The following DNAH12 variants were observed in gnomAD, a reference collection of about 807,000 sequenced individuals.
DNAH12 encodes the protein axonemal beta dynein heavy chain 12.
DNAH12 carries 285 observed loss-of-function variants against 371.5 expected under a neutral mutation model. The observed-to-expected ratio is 0.77, with a 90% CI of 0.70 to 0.85. The LOEUF (loss-of-function observed/expected upper bound fraction) is 0.85. Ranked by LOEUF, DNAH12 falls within the 40% of genes least tolerant of loss-of-function variation. The probability of loss-of-function intolerance (pLI) is 0.00; values close to 1 mark genes in which losing one functional copy is unlikely to be tolerated. For synonymous variants in DNAH12, 1,200 were observed against 1,213.0 expected (o/e 0.99, Z 0.22); for missense variants, 3,611 against 3,689.4 (o/e 0.98, Z 0.55).
intron 70 of DNAH12, 92 bp from the exon 71 acceptor site, chr3:57,297,076 G>T: frequency 7.0e-7 from 1 of 1,438,550 alleles, no homozygotes; most frequent in Non-Finnish European, 9.4e-7. Context: ...TTTTGCTTAT[G>T]TTGCCCACAT....
At chr3:57,345,921 A>T (rs1178069677) in intron 60 of DNAH12, among the ~76,000 whole-genome samples, 1 of 152,150 alleles carries the variant, frequency 6.6e-6, no homozygotes, top group East Asian at 1.9e-4. Flanking sequence ...AAGTGTCACA[A>T]ATCTTCAGAA....
At chr3:57,540,382 G>A (rs984819778) in intron 2 of DNAH12, among the ~76,000 whole-genome samples, 2 of 152,114 alleles carry the variant, frequency 1.3e-5, no homozygotes, top group African/African-American at 4.8e-5. Flanking sequence ...ACAGGTATCT[G>A]TGTAACAGCA....
At chr3:57,495,070 A>G (rs2067262406) in intron 11 of DNAH12, among the ~76,000 whole-genome samples, 3 of 152,198 alleles carry the variant, frequency 2.0e-5, no homozygotes, top group Non-Finnish European at 2.9e-5. Context: ...GGGTCAATCC[A>G]TCAGAAAGAT....
intron 25 of DNAH12, among the ~76,000 whole-genome samples, chr3:57,449,221 C>T (rs1433766828): frequency 1.3e-5 from 2 of 152,186 alleles, no homozygotes; most frequent in African/African-American, 4.8e-5. Context: ...TATTTACAAT[C>T]CCTGAGCTAG....
intron 58 of DNAH12, among the ~76,000 whole-genome samples, chr3:57,357,668 A>C (rs1448314823): frequency 6.6e-6 from 1 of 152,178 alleles, no homozygotes; most frequent in Non-Finnish European, 1.5e-5. Flanking sequence ...GAGACATACC[A>C]AATAAGAAAG....
At position 57,361,462 on chromosome 3, in the gene DNAH12, ATATATATATC is replaced by A. The variant is rs2062933166; in HGVS notation, c.9360+2122_9360+2131del. Among the ~76,000 whole-genome samples, 9 of 144,590 alleles carry A rather than the reference ATATATATATC, an allele frequency of 6.2e-5. 1 individual carries two copies. The highest frequency in any genetic ancestry group is 1.6e-4 in the African/African-American group (6 of 37,414). 94.9% of individuals were successfully genotyped at this position (144,590 alleles called of 152,430 possible). ...ACACACACTATATATATATATATAT[ATATATATATC>A]TCATTCAGCTCTGTTAGGTGAATTT... On this transcript the variant is annotated intron_variant, in intron 58 of 73. Coordinates refer to ENST00000495027, the MANE Select transcript of DNAH12 (RefSeq NM_001366028.2).
intron 43 of DNAH12, chr3:57,402,255 G>T: frequency 1.8e-6 from 1 of 550,304 alleles, no homozygotes; most frequent in Non-Finnish European, 2.8e-6. Flanking sequence ...ATTTTAGGTT[G>T]TAGAAATTGT....
chr3:57,397,493 C>T (rs2063769270), intron 43 of DNAH12, among the ~76,000 whole-genome samples: 1 of 152,136 alleles, frequency 6.6e-6, no homozygotes, highest in African/African-American at 2.4e-5. Flanking sequence ...TTTCACCTGC[C>T]TTCAGGTGCT....
At chr3:57,299,510 AAAAG>A (rs773429904) in intron 70 of DNAH12, among the ~76,000 whole-genome samples, 4 of 152,082 alleles carry the variant, frequency 2.6e-5, no homozygotes, top group Non-Finnish European at 5.9e-5. Context: ...TTTTTTAAAA[AAAAG>A]GCACAGGAAG....
chr3:57,347,647 C>T (rs897191983), intron 60 of DNAH12, among the ~76,000 whole-genome samples: 10 of 147,910 alleles, frequency 6.8e-5, no homozygotes, highest in East Asian at 2.0e-4. Flanking sequence ...ACCCAGGAGG[C>T]GGAGGTTGCA....
chr3:57,472,752 C>G, intron 13 of DNAH12, 81 bp from the exon 14 acceptor site: 1 of 1,381,876 alleles, frequency 7.2e-7, no homozygotes. Context: ...ACAACAATCT[C>G]TAATACCCTT....
chr3:57,366,084 T>C (rs887284399), intron 57 of DNAH12, among the ~76,000 whole-genome samples: 2 of 152,074 alleles, frequency 1.3e-5, no homozygotes, highest in Non-Finnish European at 2.9e-5. Context: ...TGAGATAGGA[T>C]GTCAACACAA....
intron 45 of DNAH12, among the ~76,000 whole-genome samples, chr3:57,391,201 C>T (rs1159394652): frequency 3.3e-5 from 5 of 152,192 alleles, no homozygotes; most frequent in Non-Finnish European, 1.5e-5. Flanking sequence ...AATCATTATA[C>T]ACTGAGTAAA....
chr3:57,371,852 T>C (rs1353649849), intron 55 of DNAH12, among the ~76,000 whole-genome samples: 1 of 146,472 alleles, frequency 6.8e-6, no homozygotes, highest in Admixed American at 7.1e-5. Flanking sequence ...TCAGAAGCAA[T>C]GTAGTGACAT....
chr3:57,449,539 G>T (rs1239412348), intron 25 of DNAH12, among the ~76,000 whole-genome samples: 1 of 152,228 alleles, frequency 6.6e-6, no homozygotes, highest in Non-Finnish European at 1.5e-5. Flanking sequence ...AGCGCTGGTG[G>T]GCTGGCACTG....
chr3:57,422,720 C>A (rs992930932), intron 35 of DNAH12, among the ~76,000 whole-genome samples: 2 of 152,168 alleles, frequency 1.3e-5, no homozygotes, highest in African/African-American at 4.8e-5. Context: ...GGAGTTTATA[C>A]TCAAATATAT....
rs1200806007 is a variant in DNAH12, at chr3:57,421,543, C to T, written c.5537G>A (p.Gly1846Asp). Residue 1846 changes from glycine to aspartate, a missense_variant, in exon 36 of 74, where the codon GGC (glycine) becomes GAC (aspartate). Physicochemically the swap from Gly to Asp is moderately conservative, Grantham distance 94. Around this residue, in one of 3 missense-constraint regions of DNAH12, gnomAD observed 2,266 missense variants for 2,236.9 expected, o/e 1.01. Coordinates refer to ENST00000495027, the MANE Select transcript of DNAH12 (RefSeq NM_001366028.2). ...CTCATACATGTAGTCATAGACCAGGCCTTTTTCATCAAATGGGCATTCCCA... is the reference window on the plus strand; with the variant it reads ...CTCATACATGTAGTCATAGACCAGGTCTTTTTCATCAAATGGGCATTCCCA... ...GKWECPFDEK[G>D]LVYDYMYELK... The T allele has an allele frequency of 7.1e-6, 11 of 1,551,428 alleles. No individual in the cohort carries two copies. The South Asian group carries it at 1.3e-4, about 18-fold the overall frequency.
intron 60 of DNAH12, among the ~76,000 whole-genome samples, chr3:57,335,537 G>A (rs927518502): frequency 6.6e-6 from 1 of 152,222 alleles, no homozygotes; most frequent in Non-Finnish European, 1.5e-5. Context: ...TCTAGATGGT[G>A]TATATGGTAT....
chr3:57,373,766 A>AT (rs1268244689), intron 55 of DNAH12, among the ~76,000 whole-genome samples: 11 of 152,174 alleles, frequency 7.2e-5, no homozygotes, highest in African/African-American at 2.7e-4. Flanking sequence ...CACAGAACAC[A>AT]TTTTTTATAA....
Sources: gnomAD v4.1 joint callset for allele counts (sites outside exome capture counted in the v4.1 genomes callset) on GRCh38, gnomAD v4.1.1 for gene constraint, gnomAD v4.1.1 regional missense constraint, MANE v1.5 for transcripts, NCBI Gene and HGNC (gene_info 2026-07-23, HGNC 2026-07-21) for gene names.